ANTXR2: variants seen among roughly 807,000 people sequenced by gnomAD.
ANTXR2 encodes ANTXR cell adhesion molecule 2.
ANTXR2 carries 44 observed loss-of-function variants against 73.7 expected under a neutral mutation model. That is an observed-to-expected ratio of 0.60 (90% CI 0.47 to 0.77). The LOEUF is 0.77. Among genes scored for constraint, ANTXR2 ranks in the 30% least tolerant of loss-of-function variants. ANTXR2 has a pLI of 0.00. For synonymous variants in ANTXR2, 217 were observed against 205.9 expected (o/e 1.05, Z -0.46); for missense variants, 604 against 592.5 (o/e 1.02, Z -0.20).
intron 16 of ANTXR2, among the ~76,000 whole-genome samples, chr4:79,924,832 A>T (rs1026144291): frequency 4.6e-5 from 7 of 152,146 alleles, no homozygotes; most frequent in Non-Finnish European, 7.4e-5. Context: ...ATCTTTGTTG[A>T]CTGAAACAAA....
chr4:80,066,096 G>A (rs1734482570), intron 3 of ANTXR2, among the ~76,000 whole-genome samples: 1 of 152,064 alleles, frequency 6.6e-6, no homozygotes, highest in African/African-American at 2.4e-5. Context: ...AAATATAGAG[G>A]ACCACAGAAA....
In ANTXR2 at chr4:80,042,513, A is replaced by G. The variant is rs145348410; in HGVS notation, c.637-6481T>C. On this transcript the variant is annotated intron_variant, in intron 7 of 16. Coordinates refer to ENST00000403729, the MANE Select transcript of ANTXR2 (RefSeq NM_058172.6). ...TTGGTCCTCTCCCCCTCACTGTCTC[A>G]CCTAGGTTGCTAGACACACACAGTT... is the stretch of plus-strand genomic sequence containing the variant. Among the ~76,000 whole-genome samples the G allele has an allele frequency of 7.6e-3, 1,157 of 152,020 alleles. 17 individuals carry two copies. Among genetic ancestry groups the G allele is most frequent in the African/African-American group, 0.027 (1,123 of 41,502 alleles).
intron 16 of ANTXR2, among the ~76,000 whole-genome samples, chr4:79,951,498 C>T (rs921164486): frequency 3.9e-5 from 6 of 151,990 alleles, no homozygotes; most frequent in Admixed American, 6.6e-5. Context: ...ATTGCTTGAA[C>T]CTGGGAGGCG....
Position 79,907,319 on chromosome 4 carries a change from G to A in ANTXR2, c.*110C>T. The stretch of plus-strand genomic sequence containing the variant: ...ACATTTCCCGACTGAGAGGAATTAA[G>A]CTGCTCTTCCAAAAGCTTCTGAAAT... On this transcript the variant is annotated 3_prime_UTR_variant, in exon 17 of 17. Transcript: ENST00000403729. 8.5e-7 allele frequency: 1 copy of A among 1,172,048 alleles called. No individual in the cohort carries two copies. Among genetic ancestry groups the A allele is most frequent in the Admixed American group, 1.9e-5 (1 of 52,192 alleles). 72.6% of individuals were successfully genotyped at this position (1,172,048 alleles called of 1,614,324 possible). A position where few individuals can be genotyped will look rare whatever the true frequency, so the allele number is the denominator to read the frequency against.
chr4:80,006,213 C>G lies in ANTXR2; in HGVS notation c.1041+2308G>C, dbSNP rs186382935. ...GGACTTCAGTTACCTTCCATTTACACTTATTTGCACACATTTCTATGTTTC... is the reference window on the plus strand; with the variant it reads ...GGACTTCAGTTACCTTCCATTTACAGTTATTTGCACACATTTCTATGTTTC... On this transcript the variant is annotated intron_variant, in intron 12 of 16. Transcript: ENST00000403729. Among the ~76,000 whole-genome samples, 4 of 152,124 alleles carry G rather than the reference C, an allele frequency of 2.6e-5. No individual in the cohort carries two copies. In the East Asian group the frequency reaches 7.7e-4, roughly 29 times the overall value.
intron 16 of ANTXR2, among the ~76,000 whole-genome samples, chr4:79,961,038 T>C (rs1729120953): frequency 6.6e-6 from 1 of 152,070 alleles, no homozygotes; most frequent in Non-Finnish European, 1.5e-5. Context: ...AATGGGGTTC[T>C]GGTAGACACA....
rs147396802 is a variant in ANTXR2 at position 79,978,273 on chromosome 4, A to G, written c.1180-99T>C. On this transcript the variant is annotated intron_variant, in intron 14 of 16. Transcript: ENST00000403729. The stretch of plus-strand genomic sequence containing the variant: ...GTCCTTTAGTTCACATCTCAGAGTG[A>G]AAAAGAAGATGAGCAGGTATCCTAA... 1.0e-4 allele frequency: 119 copies of G among 1,163,912 alleles called. 1 individual carries two copies. In the African/African-American group the frequency reaches 1.5e-3, roughly 15 times the overall value. The allele number at this position is 1,163,912 out of a possible 1,614,324, so 72.1% of individuals were successfully genotyped here.
chr4:80,033,613 CA>C (rs780551278), intron 8 of ANTXR2, 43 bp from the exon 9 acceptor site: 12 of 1,421,576 alleles, frequency 8.4e-6, no homozygotes, highest in Admixed American at 2.5e-5. Context: ...ACTGCTTTAC[CA>C]AAAAAATAAA....
At chr4:80,009,846 C>CAA (rs932231740) in intron 11 of ANTXR2, among the ~76,000 whole-genome samples, 3 of 82,138 alleles carry the variant, frequency 3.7e-5, no homozygotes, top group African/African-American at 9.2e-5. Flanking sequence ...GACTCCATCT[C>CAA]AAAAAAAAAA....
At chr4:79,986,228 A>G (rs1211938845) in intron 12 of ANTXR2, among the ~76,000 whole-genome samples, 20 of 152,194 alleles carry the variant, frequency 1.3e-4, no homozygotes, top group Admixed American at 1.3e-3. Flanking sequence ...CAATGGCTTC[A>G]GCTACTTCAG....
intron 12 of ANTXR2, among the ~76,000 whole-genome samples, chr4:79,993,750 A>ACACACACGCG (rs1256143887): frequency 3.8e-5 from 3 of 78,022 alleles, no homozygotes; most frequent in Non-Finnish European, 5.8e-5. Flanking sequence ...TACACCACAC[A>ACACACACGCG]CACACACACG....
At chr4:80,023,773 A>T (rs943588101) in intron 10 of ANTXR2, among the ~76,000 whole-genome samples, 6 of 152,216 alleles carry the variant, frequency 3.9e-5, no homozygotes, top group Non-Finnish European at 1.5e-5. Context: ...CAGTCAAGGC[A>T]GTAAAAGTGA....
intron 7 of ANTXR2, among the ~76,000 whole-genome samples, chr4:80,051,406 GA>G (rs1367866385): frequency 2.0e-5 from 3 of 151,656 alleles, no homozygotes; most frequent in Middle Eastern, 3.4e-3. Flanking sequence ...AATGCCTTAA[GA>G]ATAGTAAGGG....
intron 16 of ANTXR2, among the ~76,000 whole-genome samples, chr4:79,915,862 C>A (rs12648819): frequency 0.64 from 78,874 of 123,164 alleles, 25,255 homozygotes; most frequent in Non-Finnish European, 0.69. Context: ...CTCTCTCTCT[C>A]TATATATATA....
intron 16 of ANTXR2, among the ~76,000 whole-genome samples, chr4:79,926,462 C>T (rs1486373120): frequency 1.3e-5 from 2 of 151,838 alleles, no homozygotes; most frequent in East Asian, 1.9e-4. Flanking sequence ...AAGATGATTG[C>T]CATATCAAAG....
chr4:80,002,224 G>A (rs140389625), intron 12 of ANTXR2, among the ~76,000 whole-genome samples: 13,920 of 152,060 alleles, frequency 0.092, 737 homozygotes, highest in Middle Eastern at 0.23. Flanking sequence ...ATAGATAAAC[G>A]GAACAGAACA....
chr4:79,996,411 A>C (rs1730733620), intron 12 of ANTXR2, among the ~76,000 whole-genome samples: 1 of 151,952 alleles, frequency 6.6e-6, no homozygotes, highest in Non-Finnish European at 1.5e-5. Flanking sequence ...GTTATATTTA[A>C]AACTTTTAAT....
chr4:79,949,750 T>C (rs1303534220), intron 16 of ANTXR2, among the ~76,000 whole-genome samples: 1 of 152,150 alleles, frequency 6.6e-6, no homozygotes, highest in Non-Finnish European at 1.5e-5. Context: ...GCAAAATAGA[T>C]GGCATGTAGA....
At chr4:80,049,832 A>G (rs1365452264) in intron 7 of ANTXR2, among the ~76,000 whole-genome samples, 1 of 151,714 alleles carries the variant, frequency 6.6e-6, no homozygotes, top group African/African-American at 2.4e-5. Context: ...TTTTACTTCC[A>G]GTTTCACTGC....
Sources: gnomAD v4.1 joint callset for allele counts (sites outside exome capture counted in the v4.1 genomes callset) on GRCh38, gnomAD v4.1.1 for gene constraint, MANE v1.5 for transcripts, NCBI Gene and HGNC (gene_info 2026-07-23, HGNC 2026-07-21) for gene names.